The following PDIA6 variants were observed in gnomAD, a reference collection of about 807,000 sequenced individuals.
The protein encoded by PDIA6 is protein disulfide isomerase family A member 6.
In PDIA6, 29 loss-of-function variants were observed where a neutral mutation model predicts 58.4. The ratio of observed to expected loss-of-function variants is 0.50; its 90% CI spans 0.37 to 0.68. The LOEUF (loss-of-function observed/expected upper bound fraction) is 0.68, where lower values mean the gene tolerates loss of function less well. PDIA6 is among the 30% of genes least tolerant of loss of function. The pLI, the probability that PDIA6 is intolerant of heterozygous loss-of-function variation, is 0.00. For synonymous variants in PDIA6, 192 were observed against 202.6 expected, an observed-to-expected ratio of 0.95 and a Z score of 0.44; for missense variants, 480 against 551.0, an observed-to-expected ratio of 0.87 and a Z score of 1.29.
At chr2:10,820,988 C>T (rs1250079101) in intron 1 of PDIA6, 4 of 633,246 alleles carry the variant, frequency 6.3e-6, no homozygotes, top group Non-Finnish European at 1.2e-5. Flanking sequence ...TTAAGCAGGT[C>T]GTTGGGCCCA....
At chr2:10,835,447 A>G (rs544279425), upstream of PDIA6, among the ~76,000 whole-genome samples, 8 of 152,206 alleles carry the variant, frequency 5.3e-5, no homozygotes, top group East Asian at 1.6e-3. Context: ...CCTCCGGGGA[A>G]GCCCAGTCCC....
rs773585841 is a variant in PDIA6, at chr2:10,788,899, G to A, written c.923C>T (p.Thr308Ile). Residue 308 changes from threonine to isoleucine, a missense_variant and splice_region_variant, in exon 9 of 13, where the codon ACT (threonine) becomes ATT (isoleucine). Transcript: ENST00000272227. ...GAAATCATTTCCGTCTGTCTTACCA[G>A]TATCAAGGATATGGGGCAGCACAGC... ...VVAVLPHILDTGAAGRNSYLE... is the reference protein window; with the variant it reads ...VVAVLPHILDIGAAGRNSYLE... 1 of 1,611,356 alleles carries A rather than the reference G, an allele frequency of 6.2e-7. No individual in the cohort carries two copies. The highest frequency in any genetic ancestry group is 1.1e-5 in the South Asian group (1 of 91,026).
At chr2:10,815,154 C>T (rs11688913), upstream of PDIA6, among the ~76,000 whole-genome samples, 5 of 72,132 alleles carry the variant, frequency 6.9e-5, no homozygotes, top group Admixed American at 4.2e-4. Flanking sequence ...ATGCACAGGC[C>T]TCCGGAAATG....
At chr2:10,787,485 G>A in intron 10 of PDIA6, 46 bp from the exon 11 acceptor site, 1 of 1,548,936 alleles carries the variant, frequency 6.5e-7, no homozygotes. Flanking sequence ...CTTTTAAATT[G>A]CTTACGATCT....
chr2:10,819,055 T>C (rs1163746440), intron 2 of PDIA6, among the ~76,000 whole-genome samples: 2 of 152,216 alleles, frequency 1.3e-5, no homozygotes, highest in Non-Finnish European at 2.9e-5. Flanking sequence ...ACTGTCCTTT[T>C]GTGAGTGATT....
chr2:10,804,521 A>G (rs1314943424), intron 1 of PDIA6, among the ~76,000 whole-genome samples: 1 of 112,994 alleles, frequency 8.9e-6, no homozygotes. Context: ...GTTCTGTTCC[A>G]TTGATCTATA....
At chr2:10,794,521 T>C (rs1335043137) in intron 4 of PDIA6, among the ~76,000 whole-genome samples, 3 of 147,002 alleles carry the variant, frequency 2.0e-5, no homozygotes, top group Non-Finnish European at 3.0e-5. Flanking sequence ...ACTCAAGTGA[T>C]CCTCCCACCT....
chr2:10,797,495 TTTAAA>T (rs1370334832), intron 3 of PDIA6, among the ~76,000 whole-genome samples, 200 bp downstream of exon 3: 2 of 152,204 alleles, frequency 1.3e-5, no homozygotes, highest in Non-Finnish European at 2.9e-5. Context: ...AATGTAAACA[TTTAAA>T]TGTGTATTAT....
Position 10,802,581 on chromosome 2 carries a change from C to T in PDIA6, c.79G>A (p.Val27Met). 1 of 1,497,442 alleles carries T rather than the reference C, an allele frequency of 6.7e-7. No individual in the cohort carries two copies. The highest frequency in any genetic ancestry group is 1.4e-5 in the African/African-American group (1 of 69,922). The allele number at this position is 1,497,442 out of a possible 1,614,324, so 92.8% of individuals were successfully genotyped here. ...AAATTCGATGGAGTTAATTCGATCA[C>T]ATCATCACTAGAGGAATACAGACCA... is the stretch of plus-strand genomic sequence containing the variant. Reference protein sequence around the residue: ...VNGLYSSSDDVIELTPSNFNR... With the variant: ...VNGLYSSSDDMIELTPSNFNR... The change falls in exon 2 of 13, where the codon GTG (valine) becomes ATG (methionine). Residue 27 changes from valine (V) to methionine (M), a missense_variant. Physicochemically the swap from Val to Met is conservative, Grantham distance 21. Coordinates refer to ENST00000272227, the MANE Select transcript of PDIA6 (RefSeq NM_005742.4).
chr2:10,790,710 T>A lies in PDIA6; in HGVS notation c.699+9A>T. On this transcript the variant is annotated intron_variant, in intron 7 of 12. Transcript: ENST00000272227. The stretch of plus-strand genomic sequence containing the variant: ...TTCACAATGAAATGAGCCTTATAAG[T>A]ATACTCACCCCGTATCGGGAGGCCA... The A allele has an allele frequency of 6.3e-7, 1 of 1,580,352 alleles. No individual in the cohort carries two copies. The highest frequency in any genetic ancestry group is 8.7e-7 in the Non-Finnish European group (1 of 1,149,178).
intron 1 of PDIA6, 88 bp from the exon 2 acceptor site, chr2:10,802,728 C>T (rs1666568048): frequency 9.4e-7 from 1 of 1,066,268 alleles, no homozygotes; most frequent in South Asian, 3.6e-5. Context: ...CTTTAACTGA[C>T]CAGGGCCCTT....
chr2:10,787,262 A>G lies in PDIA6; in HGVS notation c.1157+19T>C. ...AAACAAACAGACAAAACAACAAACAACCTAAGAAAACAAATTACCTGAGAA... is the reference window on the plus strand; with the variant it reads ...AAACAAACAGACAAAACAACAAACAGCCTAAGAAAACAAATTACCTGAGAA... On this transcript the variant is annotated intron_variant, in intron 11 of 12. Coordinates refer to ENST00000272227, the MANE Select transcript of PDIA6 (RefSeq NM_005742.4). 1 of 1,610,200 alleles carries G rather than the reference A, an allele frequency of 6.2e-7. No homozygotes were observed. Among genetic ancestry groups the G allele is most frequent in the Non-Finnish European group, 8.5e-7 (1 of 1,176,392 alleles).
At chr2:10,823,672 T>C (rs1667467493) in intron 1 of PDIA6, among the ~76,000 whole-genome samples, 2 of 152,376 alleles carry the variant, frequency 1.3e-5, no homozygotes, top group African/African-American at 2.4e-5. Flanking sequence ...ATGTGGACTT[T>C]TGCAGTAGCC....
chr2:10,802,534 A>G lies in PDIA6; in HGVS notation c.126T>C (p.Ser42=), dbSNP rs1313803026. The change falls in exon 2 of 13, where the codon AGT becomes AGC. Residue 42 remains serine (S), a synonymous_variant. Transcript: ENST00000272227. The part of the protein sequence containing the change: ...PSNFNREVIQ[S]DSLWLVEFYA... ...AGAATTCTACAAGCCACAAACTATC[A>G]CTCTGAATAACTTCTCGGTTGAAAT... 3.3e-5 allele frequency: 49 copies of G among 1,464,612 alleles called. No homozygotes were observed. Among genetic ancestry groups the G allele is most frequent in the Non-Finnish European group, 4.0e-5 (44 of 1,104,062 alleles). The allele number at this position is 1,464,612 out of a possible 1,614,324, so 90.7% of individuals were successfully genotyped here.
rs183314829 is a variant in PDIA6, at chr2:10,786,767, G to A, written c.1157+514C>T. Among the ~76,000 whole-genome samples, 7 of 152,330 alleles carry A rather than the reference G, an allele frequency of 4.6e-5. No homozygotes were observed. In the East Asian group the frequency reaches 1.3e-3, roughly 29 times the overall value. On this transcript the variant is annotated intron_variant, in intron 11 of 12. Coordinates refer to ENST00000272227, the MANE Select transcript of PDIA6 (RefSeq NM_005742.4). Reference sequence around the variant, plus strand: ...TATTGCCTAAAAGATGATTAGGTGAGCTGAATAGCAGAGCAGAGTAGACAG... The same window carrying A: ...TATTGCCTAAAAGATGATTAGGTGAACTGAATAGCAGAGCAGAGTAGACAG...
At chr2:10,785,219 C>T in intron 11 of PDIA6, 189 bp from the exon 12 acceptor site, 1 of 544,966 alleles carries the variant, frequency 1.8e-6, no homozygotes, top group Non-Finnish European at 3.3e-6. Flanking sequence ...AACATTACAA[C>T]CAGATTCAAC....
At position 10,812,701 on chromosome 2, in the gene PDIA6, A is replaced by G; in HGVS notation, c.-5T>C. On this transcript the variant is annotated 5_prime_UTR_variant, in exon 1 of 13. Coordinates refer to ENST00000272227, the MANE Select transcript of PDIA6 (RefSeq NM_005742.4). The stretch of plus-strand genomic sequence containing the variant: ...ACCGAGCACCAGGAGAGCCATGCCG[A>G]GCGCCGGGCTACGTGCAGTCCCCAC... The G allele has an allele frequency of 1.3e-6, 2 of 1,528,130 alleles. No individual in the cohort carries two copies. The highest frequency in any genetic ancestry group is 1.8e-6 in the Non-Finnish European group (2 of 1,140,488). The allele number at this position is 1,528,130 out of a possible 1,614,324, so 94.7% of individuals were successfully genotyped here.
intron 4 of PDIA6, among the ~76,000 whole-genome samples, chr2:10,796,485 C>T (rs1392892774): frequency 6.9e-6 from 1 of 144,772 alleles, no homozygotes; most frequent in Non-Finnish European, 1.5e-5. Context: ...GGCAACACAG[C>T]AAGACTCTGT....
intron 1 of PDIA6, among the ~76,000 whole-genome samples, chr2:10,809,806 A>G (rs1442665309): frequency 6.6e-6 from 1 of 152,214 alleles, no homozygotes; most frequent in African/African-American, 2.4e-5. Context: ...ATGGAAAAGC[A>G]AAAGAGTAAG....
Sources: gnomAD v4.1 joint callset for allele counts (sites outside exome capture counted in the v4.1 genomes callset) on GRCh38, gnomAD v4.1.1 for gene constraint, MANE v1.5 for transcripts, NCBI Gene and HGNC (gene_info 2026-07-23, HGNC 2026-07-21) for gene names.